Variants in SLC44A5 observed in about 807,000 individuals in gnomAD.
The protein encoded by SLC44A5 is choline transporter-like protein 5.
In SLC44A5, 57 loss-of-function variants were observed where a neutral mutation model predicts 101.8. That is an observed-to-expected ratio of 0.56 (90% CI 0.45 to 0.70). SLC44A5 has a LOEUF of 0.70. SLC44A5 is among the 30% of genes least tolerant of loss of function. The probability of loss-of-function intolerance (pLI) is 0.00; values close to 1 mark genes in which losing one functional copy is unlikely to be tolerated. For missense variants in SLC44A5, 737 were observed against 853.1 expected, an observed-to-expected ratio of 0.86 and a Z score of 1.70; for synonymous variants, 281 against 290.9, an observed-to-expected ratio of 0.97 and a Z score of 0.35.
chr1:75,414,666 T>C (rs1663521976), intron 2 of SLC44A5, among the ~76,000 whole-genome samples: 1 of 152,062 alleles, frequency 6.6e-6, no homozygotes, highest in African/African-American at 2.4e-5. Context: ...TTGCAGTAAG[T>C]GTGGAAAGAC....
chr1:75,715,322 G>C, the SLC44A5 span, among the ~76,000 whole-genome samples: 11 of 151,950 alleles, frequency 7.2e-5, no homozygotes, highest in Non-Finnish European at 1.0e-4. Flanking sequence ...AACCAAAAAG[G>C]AGCCCAAATA....
At chr1:75,541,373 A>T in intron 2 of SLC44A5, 62 bp downstream of exon 2, 2 of 1,236,914 alleles carry the variant, frequency 1.6e-6, no homozygotes, top group Non-Finnish European at 2.4e-6. Context: ...AATATTAAAT[A>T]AAAAAGAATA....
chr1:75,220,085 C>T (rs1410115532), intron 14 of SLC44A5, among the ~76,000 whole-genome samples, 193 bp from the exon 15 acceptor site: 1 of 152,060 alleles, frequency 6.6e-6, no homozygotes, highest in Non-Finnish European at 1.5e-5. Flanking sequence ...TTTTCCGATG[C>T]ACATGTTAGA....
intron 2 of SLC44A5, among the ~76,000 whole-genome samples, chr1:75,536,485 C>T (rs567117037): frequency 1.8e-3 from 266 of 150,938 alleles, no homozygotes; most frequent in African/African-American, 6.0e-3. Flanking sequence ...CCTGTAGTCC[C>T]AGCTACTCCG....
chr1:75,325,116 G>A (rs917125683), intron 4 of SLC44A5, among the ~76,000 whole-genome samples: 3 of 152,098 alleles, frequency 2.0e-5, no homozygotes, highest in African/African-American at 7.2e-5. Context: ...AGTGTATAAT[G>A]CATAAAGCAC....
chr1:75,372,099 A>G (rs1261945432), intron 3 of SLC44A5, among the ~76,000 whole-genome samples: 1 of 151,646 alleles, frequency 6.6e-6, no homozygotes, highest in Non-Finnish European at 1.5e-5. Context: ...TGGGAAGCTG[A>G]CACAGGAGAA....
At chr1:75,372,773 A>G (rs1660314293) in intron 3 of SLC44A5, among the ~76,000 whole-genome samples, 1 of 152,226 alleles carries the variant, frequency 6.6e-6, no homozygotes, top group African/African-American at 2.4e-5. Flanking sequence ...ACATTGGAAA[A>G]TTGTATTAGG....
chr1:75,703,553 C>A, the SLC44A5 span, among the ~76,000 whole-genome samples: 1 of 151,740 alleles, frequency 6.6e-6, no homozygotes, highest in South Asian at 2.1e-4. Context: ...GGAGATATAC[C>A]TAATGTTAAG....
At chr1:75,503,312 A>G (rs1410351284) in intron 2 of SLC44A5, among the ~76,000 whole-genome samples, 1 of 152,016 alleles carries the variant, frequency 6.6e-6, no homozygotes, top group Non-Finnish European at 1.5e-5. Flanking sequence ...TGTGTCCCCA[A>G]CCATATGTTA....
chr1:75,680,650 G>C, the SLC44A5 span, among the ~76,000 whole-genome samples: 6 of 150,490 alleles, frequency 4.0e-5, no homozygotes, highest in Admixed American at 2.0e-4. Flanking sequence ...ATGCCCACAA[G>C]AGAAAGCAGG....
At chr1:75,393,783 A>G (rs77196752) in intron 3 of SLC44A5, among the ~76,000 whole-genome samples, 4,675 of 152,262 alleles carry the variant, frequency 0.031, 202 homozygotes, top group African/African-American at 0.097. Context: ...GAGTAGGGTA[A>G]TAGCTGCAGA....
At chr1:75,664,186 C>T in the SLC44A5 span, among the ~76,000 whole-genome samples, 1 of 151,988 alleles carries the variant, frequency 6.6e-6, no homozygotes, top group African/African-American at 2.4e-5. Context: ...ACAAATCCAC[C>T]CACCACCAAC....
At chr1:75,467,347 A>G (rs534601044) in intron 2 of SLC44A5, among the ~76,000 whole-genome samples, 2 of 152,336 alleles carry the variant, frequency 1.3e-5, no homozygotes, top group Admixed American at 1.3e-4. Flanking sequence ...ATTTATATGG[A>G]ACCACAGAGG....
At chr1:75,596,452 A>G (rs1214312579) in intron 1 of SLC44A5, among the ~76,000 whole-genome samples, 2 of 152,162 alleles carry the variant, frequency 1.3e-5, no homozygotes, top group Non-Finnish European at 2.9e-5. Context: ...AACTCATTTT[A>G]TGAGGCCAAC....
the SLC44A5 span, among the ~76,000 whole-genome samples, chr1:75,691,513 G>A: frequency 6.6e-6 from 1 of 152,180 alleles, no homozygotes; most frequent in Non-Finnish European, 1.5e-5. Flanking sequence ...TTATTGAGAA[G>A]TCTCTCCTCA....
At chr1:75,597,767 T>A (rs981599768) in intron 1 of SLC44A5, among the ~76,000 whole-genome samples, 1 of 152,176 alleles carries the variant, frequency 6.6e-6, no homozygotes, top group Non-Finnish European at 1.5e-5. Flanking sequence ...GACCTCTTTC[T>A]TACACCACAT....
At chr1:75,386,941 A>T (rs187819657) in intron 3 of SLC44A5, among the ~76,000 whole-genome samples, 14,234 of 151,792 alleles carry the variant, frequency 0.094, 872 homozygotes, top group Admixed American at 0.2. Context: ...ACAAACCTGA[A>T]AAAAACAAGC....
chr1:75,251,331 T>C, intron 6 of SLC44A5, 37 bp from the exon 7 acceptor site: 2 of 1,536,940 alleles, frequency 1.3e-6, no homozygotes, highest in South Asian at 1.1e-5. Flanking sequence ...TTAGTGACCA[T>C]GGAAATGTTC....
intron 6 of SLC44A5, among the ~76,000 whole-genome samples, chr1:75,272,424 T>C (rs916808157): frequency 6.6e-6 from 1 of 151,980 alleles, no homozygotes; most frequent in Non-Finnish European, 1.5e-5. Flanking sequence ...ATTTTTGTTT[T>C]TGTTGCTTTG....
Sources: allele counts gnomAD v4.1 joint callset (sites outside exome capture counted in the v4.1 genomes callset), GRCh38; gene constraint gnomAD v4.1.1; transcripts MANE v1.5; gene names NCBI Gene and HGNC (gene_info 2026-07-23, HGNC 2026-07-21).